The following TUBGCP6 variants were observed in gnomAD, a reference collection of about 807,000 sequenced individuals.
The protein encoded by TUBGCP6 is tubulin gamma complex component 6.
Under a neutral mutation model 175.8 loss-of-function variants are expected in TUBGCP6, and 161 were observed. That is an observed-to-expected ratio of 0.92 (90% CI 0.81 to 1.04). The LOEUF is 1.04. Ranked by LOEUF, TUBGCP6 falls within the 50% of genes least tolerant of loss-of-function variation. TUBGCP6 has a pLI of 0.00. For missense variants in TUBGCP6, 2,572 were observed against 2,433.0 expected, an observed-to-expected ratio of 1.06 and a Z score of -1.20; for synonymous variants, 1,173 against 1,030.5, an observed-to-expected ratio of 1.14 and a Z score of -2.65.
In TUBGCP6 at chr22:50,220,363, G is replaced by C; in HGVS notation, c.3996C>G (p.Pro1332=). 1 of 1,565,404 alleles carries C rather than the reference G, an allele frequency of 6.4e-7. No individual in the cohort carries two copies. The highest frequency in any genetic ancestry group is 8.7e-7 in the Non-Finnish European group (1 of 1,151,726). The stretch of plus-strand genomic sequence containing the variant: ...TGCTCCCCTCCCCGCAGCCCGAGCT[G>C]GGGGAGGACAGAGATGGCCCCACTT... ...PVEVGPSLSS[P]SSGCGEGSIS... Residue 1332 remains proline (P), a synonymous_variant, in exon 16 of 25, where the codon CCC becomes CCG. Transcript: ENST00000248846.
At chr22:50,226,266 C>T in intron 8 of TUBGCP6, 21 bp downstream of exon 8, 1 of 1,614,068 alleles carries the variant, frequency 6.2e-7, no homozygotes, top group East Asian at 2.2e-5. Context: ...GACCCCTGCC[C>T]CGCAATCAGC....
intron 2 of TUBGCP6, 48 bp from the exon 3 acceptor site, chr22:50,233,574 A>T: frequency 6.5e-7 from 1 of 1,530,162 alleles, no homozygotes; most frequent in Non-Finnish European, 8.9e-7. Flanking sequence ...GGTGACCTGC[A>T]CCTCAGCACC....
At chr22:50,230,784 AG>A (rs1418761720) in intron 3 of TUBGCP6, among the ~76,000 whole-genome samples, 2 of 149,634 alleles carry the variant, frequency 1.3e-5, no homozygotes, top group Non-Finnish European at 3.0e-5. Flanking sequence ...AAAAAAAAAA[AG>A]AAAGAAAAGA....
At chr22:50,238,041 G>A (rs564871972) in intron 2 of TUBGCP6, among the ~76,000 whole-genome samples, 51 of 152,248 alleles carry the variant, frequency 3.3e-4, no homozygotes, top group African/African-American at 1.2e-3. Flanking sequence ...GCTGAGGCAG[G>A]AGAATCGCTT....
chr22:50,226,429 G>C (rs1358120559), intron 7 of TUBGCP6, 51 bp from the exon 8 acceptor site: 3 of 1,534,870 alleles, frequency 2.0e-6, no homozygotes, highest in Middle Eastern at 1.7e-4. Context: ...GAGGTGGGTG[G>C]GGCGTGGCTG....
At position 50,220,349 on chromosome 22, in the gene TUBGCP6, C is replaced by T. The variant is rs1386098676; in HGVS notation, c.4010G>A (p.Gly1337Glu). The change falls in exon 16 of 25, where the codon GGG becomes GAG. Residue 1337 changes from glycine to glutamate, a missense_variant. Coordinates refer to ENST00000248846, the MANE Select transcript of TUBGCP6 (RefSeq NM_020461.4). Reference sequence around the variant, plus strand: ...CTCCCCCACGCTGATGCTCCCCTCCCCGCAGCCCGAGCTGGGGGAGGACAG... The same window carrying T: ...CTCCCCCACGCTGATGCTCCCCTCCTCGCAGCCCGAGCTGGGGGAGGACAG... ...PSLSSPSSGC[G>E]EGSISVGENV... The T allele has an allele frequency of 6.5e-7, 1 of 1,535,246 alleles. No individual in the cohort carries two copies. The highest frequency in any genetic ancestry group is 8.8e-7 in the Non-Finnish European group (1 of 1,137,686).
Position 50,221,057 on chromosome 22 carries a change from C to T in TUBGCP6, c.3302G>A (p.Arg1101Gln), listed in dbSNP as rs540077182. The T allele has an allele frequency of 6.2e-6, 10 of 1,612,354 alleles. No individual in the cohort carries two copies. Among genetic ancestry groups the T allele is most frequent in the Admixed American group, 5.0e-5 (3 of 59,630 alleles). Residue 1101 changes from arginine (R) to glutamine (Q), a missense_variant, in exon 16 of 25, where the codon CGG becomes CAG. By Grantham distance (43) the Arg-to-Gln change is conservative. Coordinates refer to ENST00000248846, the MANE Select transcript of TUBGCP6 (RefSeq NM_020461.4). ...GESVSDVAPTRPRWNIHGHVS... is the reference protein window; with the variant it reads ...GESVSDVAPTQPRWNIHGHVS... The stretch of plus-strand genomic sequence containing the variant: ...ATGTCCATGGATGTTCCACCGTGGC[C>T]GAGTGGGAGCCACATCTGACACAGA...
At position 50,243,849 on chromosome 22, in the gene TUBGCP6, TCAC is replaced by T. The variant is rs2064880898; in HGVS notation, c.608_610del (p.Gly203del). The stretch of plus-strand genomic sequence containing the variant: ...GACCCGGGTGTCTCTCTCGAACCTG[TCAC>T]CACAAGGGTCACCAAATGAGAAGAG... On this transcript the variant is annotated inframe_deletion, in exon 1 of 25. Transcript: ENST00000248846. The T allele has an allele frequency of 3.7e-6, 6 of 1,613,692 alleles. No homozygotes were observed. The highest frequency in any genetic ancestry group is 5.1e-6 in the Non-Finnish European group (6 of 1,179,988).
At chr22:50,223,219 G>A (rs2064555690) in intron 13 of TUBGCP6, 2 of 152,980 alleles carry the variant, frequency 1.3e-5, no homozygotes, top group African/African-American at 2.4e-5. Flanking sequence ...ATGCATAAAT[G>A]CATACACGGA....
intron 2 of TUBGCP6, among the ~76,000 whole-genome samples, chr22:50,239,632 G>A (rs2064816106): frequency 6.6e-6 from 1 of 152,218 alleles, no homozygotes. Flanking sequence ...GTACCAGTCA[G>A]GAAAAAGCTG....
chr22:50,243,828 CG>C lies in TUBGCP6; in HGVS notation c.631del (p.Arg211GlyfsTer56), dbSNP rs2064880406. 1 of 1,613,510 alleles carries C rather than the reference CG, an allele frequency of 6.2e-7. No individual in the cohort carries two copies. Among genetic ancestry groups the C allele is most frequent in the Admixed American group, 1.7e-5 (1 of 59,986 alleles). ...PCGDRFERDT[R>X]VSLFGALVHS... is the part of the protein sequence containing the mutation. Reference sequence around the variant, plus strand: ...CACAAGGGCCCCGAAGAGCGAGACCCGGGTGTCTCTCTCGAACCTGTCACCA... The same window carrying C: ...CACAAGGGCCCCGAAGAGCGAGACCCGGTGTCTCTCTCGAACCTGTCACCA... On this transcript the variant is annotated frameshift_variant, in exon 1 of 25. Transcript: ENST00000248846. LOFTEE classifies it high-confidence loss of function.
chr22:50,220,389 C>A lies in TUBGCP6; in HGVS notation c.3970G>T (p.Glu1324Ter). The A allele has an allele frequency of 6.4e-7, 1 of 1,572,856 alleles. No individual in the cohort carries two copies. The highest frequency in any genetic ancestry group is 1.2e-5 in the South Asian group (1 of 85,910). The stretch of plus-strand genomic sequence containing the variant: ...GGGGAGGACAGAGATGGCCCCACTT[C>A]TACAGGCAGCCGTGGCCCACAGTCC... Reference protein sequence around the residue: ...VLDCGPRLPVEVGPSLSSPSS... With the variant: ...VLDCGPRLPV Residue 1324 changes from glutamate (E) to a stop codon, truncating the protein, a stop_gained, in exon 16 of 25, where the codon GAA (glutamate) becomes TAA (stop). Transcript: ENST00000248846. LOFTEE classifies it high-confidence loss of function.
rs1167471564 is a variant in TUBGCP6 at position 50,227,921 on chromosome 22, A to T, written c.1398T>A (p.Leu466=). ...LLTIGFLFKK[L]GRQLRYLAEL... ...CTGAGGCTCACCTGAGCTGCCGGCC[A>T]AGTTTCTTGAAGAGAAAACCAATGG... Residue 466 remains leucine, a synonymous_variant, in exon 5 of 25, where the codon CTT becomes CTA. Transcript: ENST00000248846. 6 of 1,575,286 alleles carry T rather than the reference A, an allele frequency of 3.8e-6. No homozygotes were observed. In the Admixed American group the frequency reaches 5.5e-5, roughly 15 times the overall value.
intron 3 of TUBGCP6, among the ~76,000 whole-genome samples, chr22:50,230,769 C>CAAA (rs544032515): frequency 2.2e-5 from 2 of 89,840 alleles, no homozygotes; most frequent in Admixed American, 1.2e-4. Flanking sequence ...ATCCTGTCTC[C>CAAA]AAAAAAAAAA....
At chr22:50,236,065 G>A (rs1036502104) in intron 2 of TUBGCP6, among the ~76,000 whole-genome samples, 5 of 151,896 alleles carry the variant, frequency 3.3e-5, no homozygotes, top group Non-Finnish European at 5.9e-5. Flanking sequence ...TGGTTAAGAC[G>A]GTAAAAACAT....
Position 50,220,516 on chromosome 22 carries a change from A to C in TUBGCP6, c.3843T>G (p.Ala1281=), listed in dbSNP as rs2064499970. ...PIPPPHMVLG[A]LSPEAEPNTP... Reference sequence around the variant, plus strand: ...TGTTGGGCTCAGCTTCTGGTGAGAGAGCCCCCAGCACCATGTGGGGCGGAG... The same window carrying C: ...TGTTGGGCTCAGCTTCTGGTGAGAGCGCCCCCAGCACCATGTGGGGCGGAG... Residue 1281 remains alanine (A), a synonymous_variant, in exon 16 of 25, where the codon GCT becomes GCG. Coordinates refer to ENST00000248846, the MANE Select transcript of TUBGCP6 (RefSeq NM_020461.4). 7 of 1,613,370 alleles carry C rather than the reference A, an allele frequency of 4.3e-6. No homozygotes were observed. The highest frequency in any genetic ancestry group is 1.1e-5 in the South Asian group (1 of 91,078).
chr22:50,230,157 C>A (rs975247685), intron 3 of TUBGCP6, among the ~76,000 whole-genome samples: 1 of 152,170 alleles, frequency 6.6e-6, no homozygotes, highest in South Asian at 2.1e-4. Context: ...ACCGTGTATA[C>A]CCTAAAGAGA....
In TUBGCP6 at chr22:50,218,287, G is replaced by C. The variant is rs377508237; in HGVS notation, c.5070C>G (p.His1690Gln). 6.2e-7 allele frequency: 1 copy of C among 1,613,152 alleles called. No homozygotes were observed. Among genetic ancestry groups the C allele is most frequent in the Non-Finnish European group, 8.5e-7 (1 of 1,179,988 alleles). Residue 1690 changes from histidine to glutamine, a missense_variant, in exon 23 of 25, where the codon CAC (histidine) becomes CAG (glutamine). By Grantham distance (24) the His-to-Gln change is conservative. Transcript: ENST00000248846. ...TGGCCCTGAACTCGCACCAGGTGAC[G>C]TGCAGGATCTGGTTGGCGATGTAGC... ...IQGYIANQIL[H>Q]VTWCEFRARL...
At chr22:50,227,711 G>C (rs2064632965) in intron 5 of TUBGCP6, among the ~76,000 whole-genome samples, 196 bp downstream of exon 5, 1 of 152,200 alleles carries the variant, frequency 6.6e-6, no homozygotes, top group Non-Finnish European at 1.5e-5. Context: ...GGCCAGCTGT[G>C]GTGGGCCCAC....
Sources: allele counts gnomAD v4.1 joint callset (sites outside exome capture counted in the v4.1 genomes callset), GRCh38; gene constraint gnomAD v4.1.1; transcripts MANE v1.5; gene names NCBI Gene and HGNC (gene_info 2026-07-23, HGNC 2026-07-21).